The following FBXW10B variants were observed in gnomAD, a reference collection of about 807,000 sequenced individuals.
The protein encoded by FBXW10B is F-box and WD repeat domain containing 10B.
chr17:15,573,987 A>T, the FBXW10B span: 1 of 582,576 alleles, frequency 1.7e-6, no homozygotes, highest in East Asian at 2.8e-5. Context: ...AGTTTTAGTT[A>T]TGTTGATTGC....
At chr17:15,597,463 T>TAAAA in the FBXW10B span, among the ~76,000 whole-genome samples, 6 of 121,254 alleles carry the variant, frequency 4.9e-5, no homozygotes, top group Non-Finnish European at 8.7e-5. Flanking sequence ...CCGTCTCTAC[T>TAAAA]AAAAAAAAAA....
At chr17:15,607,493 A>G in the FBXW10B span, 3 of 1,285,544 alleles carry the variant, frequency 2.3e-6, no homozygotes, top group African/African-American at 4.4e-5. Flanking sequence ...TTCCATGTAC[A>G]CAAAGGTCAG....
At chr17:15,571,572 G>A in the FBXW10B span, 1 of 152,206 alleles carries the variant, frequency 6.6e-6, no homozygotes, top group Admixed American at 6.5e-5. Flanking sequence ...TATTGCTAGT[G>A]TGAATGCAGA....
the FBXW10B span, among the ~76,000 whole-genome samples, chr17:15,605,036 A>G: frequency 6.0e-3 from 915 of 152,318 alleles, 1 homozygote; most frequent in African/African-American, 0.021. Context: ...TCTCATTCAA[A>G]TGTTAAGCAA....
chr17:15,610,606 C>T, the FBXW10B span, among the ~76,000 whole-genome samples: 2 of 152,208 alleles, frequency 1.3e-5, no homozygotes, highest in Non-Finnish European at 2.9e-5. Context: ...CTGTGTTTTA[C>T]TGTCTGTTCT....
chr17:15,612,933 T>C, the FBXW10B span: 3 of 1,424,324 alleles, frequency 2.1e-6, no homozygotes, highest in African/African-American at 1.5e-5. Context: ...GAAGGATGGG[T>C]AAGCCCTGGC....
chr17:15,599,088 T>C, the FBXW10B span, among the ~76,000 whole-genome samples: 19 of 150,958 alleles, frequency 1.3e-4, no homozygotes, highest in East Asian at 2.5e-3. Flanking sequence ...GGCAGGAGAA[T>C]TGCTTGAATC....
At chr17:15,580,777 T>C in the FBXW10B span, among the ~76,000 whole-genome samples, 1 of 151,474 alleles carries the variant, frequency 6.6e-6, no homozygotes, top group Non-Finnish European at 1.5e-5. Context: ...TGCTGTTTTG[T>C]TCACTGCTGT....
chr17:15,594,838 T>C, the FBXW10B span: 2 of 1,614,032 alleles, frequency 1.2e-6, no homozygotes, highest in South Asian at 1.1e-5. Context: ...TGAGAGGAGA[T>C]GCCACTGGTC....
At chr17:15,587,670 C>T in the FBXW10B span, among the ~76,000 whole-genome samples, 1 of 152,024 alleles carries the variant, frequency 6.6e-6, no homozygotes, top group Non-Finnish European at 1.5e-5. Flanking sequence ...AGGGCCCTCT[C>T]ATAGATACAG....
the FBXW10B span, chr17:15,614,000 G>T: frequency 1.2e-6 from 2 of 1,607,546 alleles, no homozygotes; most frequent in African/African-American, 1.4e-5. Flanking sequence ...ATTCATTTCG[G>T]ATATACACCG....
the FBXW10B span, among the ~76,000 whole-genome samples, chr17:15,615,321 CTTT>C: frequency 1.2e-3 from 109 of 88,704 alleles, 5 homozygotes; most frequent in African/African-American, 5.7e-3. Context: ...TATTGGCTTT[CTTT>C]TTTTTTTTTT....
At chr17:15,601,126 T>C in the FBXW10B span, among the ~76,000 whole-genome samples, 8 of 148,526 alleles carry the variant, frequency 5.4e-5, no homozygotes, top group South Asian at 1.3e-3. Flanking sequence ...AAACCAATTA[T>C]TGGCCAGGTG....
chr17:15,570,415 T>C, the FBXW10B span, among the ~76,000 whole-genome samples: 6 of 152,072 alleles, frequency 3.9e-5, no homozygotes, highest in South Asian at 8.3e-4. Flanking sequence ...GTGCAAAATA[T>C]ATGTGTAAGG....
the FBXW10B span, among the ~76,000 whole-genome samples, chr17:15,580,933 T>C: frequency 6.6e-6 from 1 of 152,146 alleles, no homozygotes; most frequent in Non-Finnish European, 1.5e-5. Flanking sequence ...AAGACAACTC[T>C]ATAATACCTC....
the FBXW10B span, among the ~76,000 whole-genome samples, chr17:15,582,015 T>C: frequency 5.9e-5 from 9 of 151,968 alleles, no homozygotes; most frequent in East Asian, 1.7e-3. Context: ...AAAGGACTAA[T>C]AAAAAAAACA....
the FBXW10B span, chr17:15,605,155 C>T: frequency 2.7e-4 from 427 of 1,575,296 alleles, no homozygotes; most frequent in South Asian, 3.6e-3. Context: ...GAAGCATGCA[C>T]ACTTCTTCCA....
the FBXW10B span, among the ~76,000 whole-genome samples, chr17:15,608,224 A>C: frequency 6.9e-6 from 1 of 144,250 alleles, no homozygotes; most frequent in African/African-American, 2.6e-5. Flanking sequence ...GTAGTGGTGC[A>C]ATCTCAGCTC....
At chr17:15,576,075 G>A in the FBXW10B span, among the ~76,000 whole-genome samples, 2 of 152,128 alleles carry the variant, frequency 1.3e-5, no homozygotes, top group Non-Finnish European at 2.9e-5. Context: ...TTCTGTTCAT[G>A]TTCTCCTTGT....
Sources: allele counts gnomAD v4.1 joint callset (sites outside exome capture counted in the v4.1 genomes callset), GRCh38; gene constraint gnomAD v4.1.1; transcripts MANE v1.5; gene names NCBI Gene and HGNC (gene_info 2026-07-23, HGNC 2026-07-21).